The following LINC00305 variants were observed in gnomAD, a reference collection of about 807,000 sequenced individuals.
The protein encoded by LINC00305 is long independently transcribed non-coding RNA 305, also known as long intergenic non-protein coding RNA 305.
chr18:64,105,666 T>C (rs2051287373), intron 1 of LINC00305, among the ~76,000 whole-genome samples: 1 of 152,152 alleles, frequency 6.6e-6, no homozygotes, highest in African/African-American at 2.4e-5. Flanking sequence ...TGGGATAGGG[T>C]GGCAATGGTG....
chr18:64,124,799 T>A (rs1383758447), intron 1 of LINC00305, among the ~76,000 whole-genome samples: 1 of 152,080 alleles, frequency 6.6e-6, no homozygotes, highest in Non-Finnish European at 1.5e-5. Flanking sequence ...GTTGTCTTAT[T>A]TTTCCTGATT....
At chr18:64,115,987 T>A (rs529042084) in intron 1 of LINC00305, among the ~76,000 whole-genome samples, 1 of 152,170 alleles carries the variant, frequency 6.6e-6, no homozygotes, top group East Asian at 1.9e-4. Flanking sequence ...TACTTTTCCA[T>A]TGGGTAAGGC....
intron 1 of LINC00305, among the ~76,000 whole-genome samples, chr18:64,117,642 G>A (rs1161342737): frequency 6.6e-6 from 1 of 152,146 alleles, no homozygotes; most frequent in African/African-American, 2.4e-5. Context: ...GAAGGCAGTA[G>A]AAACAGTTCT....
chr18:64,103,014 G>A (rs765527560), intron 1 of LINC00305, among the ~76,000 whole-genome samples: 1 of 152,152 alleles, frequency 6.6e-6, no homozygotes, highest in African/African-American at 2.4e-5. Flanking sequence ...GGACGAGCAT[G>A]CTCTGTAGTG....
intron 1 of LINC00305, among the ~76,000 whole-genome samples, chr18:64,139,763 G>T (rs2051452541): frequency 6.6e-6 from 1 of 152,036 alleles, no homozygotes; most frequent in Admixed American, 6.5e-5. Flanking sequence ...GCAGGAAGCG[G>T]TCGCAGGTCT....
chr18:64,087,656 G>A (rs2051208436), intron 3 of LINC00305, among the ~76,000 whole-genome samples: 1 of 152,042 alleles, frequency 6.6e-6, no homozygotes, highest in African/African-American at 2.4e-5. Flanking sequence ...ACATTCTGGG[G>A]TATAGAAAAA....
intron 1 of LINC00305, among the ~76,000 whole-genome samples, chr18:64,135,040 C>T (rs920039494): frequency 3.3e-5 from 5 of 152,188 alleles, no homozygotes; most frequent in African/African-American, 9.7e-5. Flanking sequence ...AGTCCGAAAT[C>T]AAGGCATCAG....
intron 3 of LINC00305, among the ~76,000 whole-genome samples, chr18:64,091,770 A>C (rs1196807578): frequency 6.6e-6 from 1 of 152,206 alleles, no homozygotes; most frequent in Non-Finnish European, 1.5e-5. Flanking sequence ...TAGTTGTGGA[A>C]AGTTTGGTTC....
intron 1 of LINC00305, among the ~76,000 whole-genome samples, chr18:64,129,753 G>T (rs1480055588): frequency 2.0e-5 from 3 of 152,012 alleles, no homozygotes; most frequent in African/African-American, 7.2e-5. Context: ...CTTAGTTCAT[G>T]GACAATTGCA....
At chr18:64,112,284 C>T (rs9964918) in intron 1 of LINC00305, among the ~76,000 whole-genome samples, 25,595 of 150,268 alleles carry the variant, frequency 0.17, 2,280 homozygotes, top group Admixed American at 0.22. Context: ...AGCGACTACA[C>T]GCTGCGATTT....
intron 1 of LINC00305, among the ~76,000 whole-genome samples, chr18:64,143,564 A>AT (rs2051476291): frequency 8.5e-6 from 1 of 117,164 alleles, no homozygotes; most frequent in Non-Finnish European, 1.8e-5. Flanking sequence ...ATGTGTACAT[A>AT]TATACACATA....
At chr18:64,120,477 G>T (rs76578992) in intron 1 of LINC00305, among the ~76,000 whole-genome samples, 6 of 151,860 alleles carry the variant, frequency 4.0e-5, no homozygotes, top group Non-Finnish European at 8.8e-5. Flanking sequence ...TAGTTTTATA[G>T]CGTTTAGAGA....
At chr18:64,132,933 G>A (rs1487499581) in intron 1 of LINC00305, among the ~76,000 whole-genome samples, 3 of 152,190 alleles carry the variant, frequency 2.0e-5, no homozygotes, top group Non-Finnish European at 2.9e-5. Flanking sequence ...GGAGGGCCTG[G>A]CTGTGTGGCC....
At chr18:64,108,000 A>G (rs957611160) in intron 1 of LINC00305, among the ~76,000 whole-genome samples, 4 of 152,228 alleles carry the variant, frequency 2.6e-5, no homozygotes, top group African/African-American at 9.6e-5. Flanking sequence ...CAAGGCAGGC[A>G]AACAACCTCT....
At chr18:64,147,081 T>A (rs2051501701) in intron 1 of LINC00305, 1 of 152,182 alleles carries the variant, frequency 6.6e-6, no homozygotes, top group Non-Finnish European at 1.5e-5. Context: ...TGTAAAAGAA[T>A]CATAGCATTT....
At chr18:64,098,108 C>A in intron 2 of LINC00305, 1 of 406,564 alleles carries the variant, frequency 2.5e-6, no homozygotes, top group South Asian at 1.8e-5. Context: ...GTTCTCTGAC[C>A]AACATTGTCC....
At position 64,143,403 on chromosome 18, in the gene LINC00305, G is replaced by A. The variant is rs1423185902; in HGVS notation, n.314+5372C>T. 6.0e-5 allele frequency among the ~76,000 whole-genome samples: 9 copies of A among 150,862 alleles called. No homozygotes were observed. The East Asian group carries it at 1.7e-3, about 29-fold the overall frequency. On this transcript the variant is annotated intron_variant and non_coding_transcript_variant, in intron 1 of 3. Coordinates refer to ENST00000666468, the Ensembl canonical transcript of LINC00305. Reference sequence around the variant, plus strand: ...TGAAAAGCATTGATGGTGTGTGTGTGTGTATATATATATATGTGTATACCA... The same window carrying A: ...TGAAAAGCATTGATGGTGTGTGTGTATGTATATATATATATGTGTATACCA...
chr18:64,128,573 G>C (rs1225768233), intron 1 of LINC00305, among the ~76,000 whole-genome samples: 1 of 152,042 alleles, frequency 6.6e-6, no homozygotes, highest in Non-Finnish European at 1.5e-5. Flanking sequence ...AAAATTATTG[G>C]GGTGGAGTGC....
At chr18:64,126,934 A>C (rs2051387949) in intron 1 of LINC00305, among the ~76,000 whole-genome samples, 1 of 152,106 alleles carries the variant, frequency 6.6e-6, no homozygotes, top group South Asian at 2.1e-4. Context: ...GACATTAAGC[A>C]CTTTTGATTG....
Sources: allele counts gnomAD v4.1 joint callset (sites outside exome capture counted in the v4.1 genomes callset), GRCh38; gene constraint gnomAD v4.1.1; transcripts MANE v1.5; gene names NCBI Gene and HGNC (gene_info 2026-07-23, HGNC 2026-07-21).